The following ADGRV1 variants were observed in gnomAD, a reference collection of about 807,000 sequenced individuals.
ADGRV1 encodes the protein G-protein coupled receptor 98.
ADGRV1 carries 359 observed loss-of-function variants against 596.2 expected under a neutral mutation model. The ratio of observed to expected loss-of-function variants is 0.60; its 90% CI spans 0.55 to 0.66. The LOEUF is 0.66. ADGRV1 is among the 30% of genes least tolerant of loss of function. ADGRV1 has a pLI of 0.00. For synonymous variants in ADGRV1, 2,681 were observed against 2,679.2 expected, an observed-to-expected ratio of 1.00 and a Z score of -0.02; for missense variants, 7,274 against 7,575.6, an observed-to-expected ratio of 0.96 and a Z score of 1.48.
Position 91,102,210 on chromosome 5 carries a change from T to A in ADGRV1, c.18311-9T>A, listed in dbSNP as rs745363869. ...TGAAGCTCAAAAATTCTTTTTTTTTTATTTCTAGAAATTCCACTGATTTTA... is the reference window on the plus strand; with the variant it reads ...TGAAGCTCAAAAATTCTTTTTTTTTAATTTCTAGAAATTCCACTGATTTTA... On this transcript the variant is annotated splice_polypyrimidine_tract_variant and intron_variant, in intron 86 of 89. Transcript: ENST00000405460. 8 of 1,599,632 alleles carry A rather than the reference T, an allele frequency of 5.0e-6. No individual in the cohort carries two copies. In the East Asian group the frequency reaches 6.7e-5, roughly 13 times the overall value.
chr5:91,087,346 A>G (rs779037107), intron 86 of ADGRV1, among the ~76,000 whole-genome samples: 2 of 152,164 alleles, frequency 1.3e-5, no homozygotes, highest in African/African-American at 2.4e-5. Flanking sequence ...GCTGGAGTAC[A>G]GTGCACTCGA....
At position 90,753,945 on chromosome 5, in the gene ADGRV1, G is replaced by C; in HGVS notation, c.11377+116G>C. Reference sequence around the variant, plus strand: ...TTTATATGACTTTTTCAGTTTGGCAGGTCATACTCAATCCTTTTTGTTTAT... The same window carrying C: ...TTTATATGACTTTTTCAGTTTGGCACGTCATACTCAATCCTTTTTGTTTAT... On this transcript the variant is annotated intron_variant, in intron 54 of 89. Transcript: ENST00000405460. The C allele has an allele frequency of 3.9e-6, 4 of 1,013,156 alleles. No homozygotes were observed. The South Asian group carries it at 8.2e-5, about 21-fold the overall frequency. 62.8% of individuals were successfully genotyped at this position (1,013,156 alleles called of 1,614,324 possible). A position where few individuals can be genotyped will look rare whatever the true frequency, so the allele number is the denominator to read the frequency against.
rs772977886 is a variant in ADGRV1, at chr5:90,840,895, T to C, written c.16929T>C (p.Ile5643=). ...DQLHQPVNDD[I]LNRVLHTISM... ...TACATCAGCCTGTGAATGATGATATTCTCAACAGAGTGCTCCATACCATCA... is the reference window on the plus strand; with the variant it reads ...TACATCAGCCTGTGAATGATGATATCCTCAACAGAGTGCTCCATACCATCA... Residue 5643 remains isoleucine (I), a synonymous_variant, in exon 78 of 90, where the codon ATT becomes ATC. Transcript: ENST00000405460. 1.3e-6 allele frequency: 2 copies of C among 1,594,348 alleles called. No homozygotes were observed. Among genetic ancestry groups the C allele is most frequent in the Non-Finnish European group, 1.7e-6 (2 of 1,168,562 alleles).
chr5:91,081,376 A>ATTGT (rs1789360109), intron 86 of ADGRV1, among the ~76,000 whole-genome samples: 3 of 152,150 alleles, frequency 2.0e-5, no homozygotes, highest in African/African-American at 7.2e-5. Context: ...CTGTCTTGAG[A>ATTGT]CCAATATTGT....
intron 85 of ADGRV1, among the ~76,000 whole-genome samples, chr5:91,040,613 A>G (rs987859994): frequency 2.0e-5 from 3 of 152,224 alleles, no homozygotes; most frequent in Non-Finnish European, 4.4e-5. Context: ...GGCATCATAC[A>G]TAGACTGCCA....
At chr5:90,916,630 A>AT (rs1189256227) in intron 83 of ADGRV1, among the ~76,000 whole-genome samples, 2 of 62,338 alleles carry the variant, frequency 3.2e-5, no homozygotes, top group Non-Finnish European at 6.8e-5. Context: ...AGCGTTCACA[A>AT]ATTTTTTTTT....
chr5:90,726,215 C>T (rs1476477547), intron 48 of ADGRV1, among the ~76,000 whole-genome samples: 1 of 152,208 alleles, frequency 6.6e-6, no homozygotes, highest in Admixed American at 6.5e-5. Flanking sequence ...AGTCCTCATT[C>T]CTGCTACGAC....
intron 77 of ADGRV1, among the ~76,000 whole-genome samples, chr5:90,835,555 T>C (rs1423349585): frequency 1.3e-5 from 2 of 152,104 alleles, no homozygotes; most frequent in Non-Finnish European, 2.9e-5. Flanking sequence ...GCATAACATA[T>C]ATCATAGTCT....
rs773648868 is a variant in ADGRV1 at position 90,653,852 on chromosome 5, T to C, written c.4278T>C (p.His1426=). ...MKYLEESVWL[H]LLIILEDGII... ...ATTTAGAAGAAAGTGTTTGGCTTCA[T>C]CTACTAATTATCCTGGAGGATGGTA... The change falls in exon 20 of 90, where the codon CAT becomes CAC. Residue 1426 remains histidine (H), a synonymous_variant. Transcript: ENST00000405460. The C allele has an allele frequency of 6.2e-7, 1 of 1,611,128 alleles. No homozygotes were observed. The highest frequency in any genetic ancestry group is 1.7e-5 in the Admixed American group (1 of 59,640).
chr5:90,844,056 C>T (rs377484983), intron 78 of ADGRV1, among the ~76,000 whole-genome samples: 18 of 152,078 alleles, frequency 1.2e-4, no homozygotes, highest in African/African-American at 4.3e-4. Context: ...AAGCATATTG[C>T]AGATACTTAT....
intron 21 of ADGRV1, among the ~76,000 whole-genome samples, chr5:90,669,838 T>C (rs1327862652): frequency 1.3e-5 from 2 of 152,212 alleles, no homozygotes; most frequent in Admixed American, 1.3e-4. Flanking sequence ...AAGTTGAGGC[T>C]GTATTCAAAT....
rs778397918 is a variant in ADGRV1 at position 90,694,735 on chromosome 5, C to G, written c.7945+34C>G. 4.7e-6 allele frequency: 7 copies of G among 1,496,944 alleles called. No homozygotes were observed. In the Admixed American group the frequency reaches 1.6e-4, roughly 34 times the overall value. The allele number at this position is 1,496,944 out of a possible 1,614,324, so 92.7% of individuals were successfully genotyped here. On this transcript the variant is annotated intron_variant, in intron 33 of 89. Coordinates refer to ENST00000405460, the MANE Select transcript of ADGRV1 (RefSeq NM_032119.4). ...TGGTTCTAAATGAATTTCCGTTGCC[C>G]CAGTAAAGTCATCATAGTCCATTTT...
chr5:90,802,641 A>G lies in ADGRV1; in HGVS notation c.14518-98A>G, dbSNP rs1031964316. Reference sequence around the variant, plus strand: ...GCATGTATTGATGAAACTGTTTGCTACTAAAGCAACCTCAGGCATTATGCT... The same window carrying G: ...GCATGTATTGATGAAACTGTTTGCTGCTAAAGCAACCTCAGGCATTATGCT... On this transcript the variant is annotated intron_variant, in intron 70 of 89. Coordinates refer to ENST00000405460, the MANE Select transcript of ADGRV1 (RefSeq NM_032119.4). 1.3e-5 allele frequency: 14 copies of G among 1,083,030 alleles called. No individual in the cohort carries two copies. The Admixed American group carries it at 2.0e-4, about 16-fold the overall frequency. The allele number at this position is 1,083,030 out of a possible 1,614,324, so 67.1% of individuals were successfully genotyped here.
Position 90,629,347 on chromosome 5 carries a change from A to G in ADGRV1, c.1647A>G (p.Gly549=). 1.2e-6 allele frequency: 2 copies of G among 1,613,594 alleles called. No homozygotes were observed. The highest frequency in any genetic ancestry group is 1.7e-6 in the Non-Finnish European group (2 of 1,179,802). Residue 549 remains glycine (G), a synonymous_variant, in exon 9 of 90, where the codon GGA becomes GGG. Transcript: ENST00000405460. ...TTACAAGACTAGGAGGGACTAAAGG[A>G]GATGTGAGGTTGCTTTATTCTGTAC... ...LSFTRLGGTK[G]DVRLLYSVLY...
intron 1 of ADGRV1, among the ~76,000 whole-genome samples, chr5:90,581,694 G>A (rs1416398570): frequency 6.6e-6 from 1 of 152,138 alleles, no homozygotes; most frequent in African/African-American, 2.4e-5. Context: ...TAGGCCACAC[G>A]GGGCTCTGGC....
At chr5:90,786,882 A>G (rs190780218) in intron 67 of ADGRV1, among the ~76,000 whole-genome samples, 123 of 152,288 alleles carry the variant, frequency 8.1e-4, no homozygotes, top group Admixed American at 2.9e-3. Flanking sequence ...GCAGGGCAGC[A>G]TGCGACTGTG....
intron 59 of ADGRV1, among the ~76,000 whole-genome samples, chr5:90,772,083 A>T (rs191834491): frequency 8.5e-5 from 13 of 152,294 alleles, no homozygotes; most frequent in Admixed American, 4.6e-4. Context: ...CCTTACATAT[A>T]CAGTAGATAA....
At chr5:91,069,756 A>G (rs950281709) in intron 85 of ADGRV1, among the ~76,000 whole-genome samples, 2 of 152,190 alleles carry the variant, frequency 1.3e-5, no homozygotes, top group African/African-American at 2.4e-5. Flanking sequence ...CCATTACTGG[A>G]TATGTACCCA....
chr5:90,656,775 C>G (rs149773291), intron 20 of ADGRV1, among the ~76,000 whole-genome samples: 36 of 152,234 alleles, frequency 2.4e-4, no homozygotes, highest in Middle Eastern at 3.4e-3. Flanking sequence ...GCCAATATCT[C>G]ATCTTGCCTA....
Sources: gnomAD v4.1 joint callset for allele counts (sites outside exome capture counted in the v4.1 genomes callset) on GRCh38, gnomAD v4.1.1 for gene constraint, MANE v1.5 for transcripts, NCBI Gene and HGNC (gene_info 2026-07-23, HGNC 2026-07-21) for gene names.